The following RSPH3 variants were observed in gnomAD, a reference collection of about 807,000 sequenced individuals.
RSPH3 encodes radial spoke head 3.
A neutral mutation model predicts 43.8 loss-of-function variants in RSPH3; 21 were observed. The ratio of observed to expected loss-of-function variants is 0.48; its 90% CI spans 0.34 to 0.69. The LOEUF (loss-of-function observed/expected upper bound fraction) is 0.69. RSPH3 is among the 30% of genes least tolerant of loss of function. The pLI is 0.01. For synonymous variants in RSPH3, 173 were observed against 179.8 expected (o/e 0.96, Z 0.30); for missense variants, 487 against 516.0 (o/e 0.94, Z 0.54).
intron 5 of RSPH3, among the ~76,000 whole-genome samples, chr6:158,982,213 G>A (rs986045360): frequency 6.6e-6 from 1 of 152,014 alleles, no homozygotes. Flanking sequence ...CTTCCAACTG[G>A]CACACATGTA....
rs1777818259 is a variant in RSPH3 at position 158,975,847 on chromosome 6, T to C, written c.*1691A>G. On this transcript the variant is annotated 3_prime_UTR_variant, in exon 8 of 8. Coordinates refer to ENST00000367069, the MANE Select transcript of RSPH3 (RefSeq NM_031924.8). ...GGTAAATGGGTTAATAATTATAAGT[T>C]ATTTTAAATCACTACGTTTATATAT... The C allele has an allele frequency of 6.6e-6, 1 of 152,174 alleles. No individual in the cohort carries two copies. The highest frequency in any genetic ancestry group is 2.4e-5 in the African/African-American group (1 of 41,428). 9.4% of individuals were successfully genotyped at this position (152,174 alleles called of 1,614,324 possible).
At chr6:158,987,304 G>C (rs1447312123) in intron 2 of RSPH3, among the ~76,000 whole-genome samples, 1 of 152,004 alleles carries the variant, frequency 6.6e-6, no homozygotes, top group African/African-American at 2.4e-5. Context: ...TTGGTTTCTA[G>C]TTGCATGGAA....
intron 2 of RSPH3, among the ~76,000 whole-genome samples, chr6:158,988,744 A>C (rs1489319859): frequency 1.3e-5 from 2 of 152,144 alleles, no homozygotes; most frequent in Non-Finnish European, 2.9e-5. Flanking sequence ...ATTTTTAAAA[A>C]TTATTTCAAT....
downstream of RSPH3, among the ~76,000 whole-genome samples, chr6:158,972,637 G>A (rs1038030279): frequency 6.6e-6 from 1 of 152,062 alleles, no homozygotes; most frequent in South Asian, 2.1e-4. Flanking sequence ...AAAAATGTTC[G>A]TATTTATAAA....
chr6:158,980,975 C>T (rs10455841), intron 5 of RSPH3, 39 bp from the exon 6 acceptor site: 33,969 of 1,603,522 alleles, frequency 0.021, 414 homozygotes, highest in Middle Eastern at 0.025. Context: ...AGCTCTTATG[C>T]CCTCCCCAAG....
In RSPH3 at chr6:159,000,116, G is replaced by C; in HGVS notation, c.-566C>G. ...TGTCCTCGGCTGTTTCTCCTGCCGCGGCGCAGCAGCGCTCCCAGGCTGCCC... is the reference window on the plus strand; with the variant it reads ...TGTCCTCGGCTGTTTCTCCTGCCGCCGCGCAGCAGCGCTCCCAGGCTGCCC... On this transcript the variant is annotated 5_prime_UTR_variant, in exon 1 of 8. Transcript: ENST00000367069. 2 of 905,172 alleles carry C rather than the reference G, an allele frequency of 2.2e-6. No individual in the cohort carries two copies. Among genetic ancestry groups the C allele is most frequent in the South Asian group, 1.9e-5 (1 of 53,158 alleles). The allele number at this position is 905,172 out of a possible 1,614,324, so 56.1% of individuals were successfully genotyped here.
intron 2 of RSPH3, among the ~76,000 whole-genome samples, chr6:158,988,630 T>C (rs999805164): frequency 2.0e-5 from 3 of 152,188 alleles, no homozygotes; most frequent in Admixed American, 1.3e-4. Flanking sequence ...TTTGTCTTCA[T>C]GTTCACTGAT....
intron 1 of RSPH3, 96 bp downstream of exon 1, chr6:158,999,339 G>T: frequency 8.7e-7 from 1 of 1,143,072 alleles, no homozygotes; most frequent in Non-Finnish European, 1.2e-6. Context: ...AGGGAAGACA[G>T]CATAAGCAGC....
At chr6:158,996,710 A>T (rs1348103362) in intron 1 of RSPH3, among the ~76,000 whole-genome samples, 1 of 152,240 alleles carries the variant, frequency 6.6e-6, no homozygotes, top group Admixed American at 6.5e-5. Context: ...AAAGAACTAA[A>T]CGACATTCTA....
At chr6:158,985,240 G>C (rs1381572408) in intron 3 of RSPH3, among the ~76,000 whole-genome samples, 1 of 152,224 alleles carries the variant, frequency 6.6e-6, no homozygotes, top group Non-Finnish European at 1.5e-5. Flanking sequence ...CAGAACCAGA[G>C]GACAGAAGAG....
intron 1 of RSPH3, among the ~76,000 whole-genome samples, chr6:158,999,109 G>GC (rs1363247104): frequency 6.6e-6 from 1 of 152,280 alleles, no homozygotes; most frequent in South Asian, 2.1e-4. Context: ...GTATTTGAAT[G>GC]CCCCCCGTAA....
rs776777631 is a variant in RSPH3, at chr6:158,982,623, C to T, written c.558G>A (p.Gln186=). The change falls in exon 5 of 8, where the codon CAG becomes CAA. Residue 186 remains glutamine (Q), a synonymous_variant. Transcript: ENST00000367069. ...LEVLVGKTIE[Q]SLLEVMEEEE... ...CTTCTTCCATTACTTCCAGAAGAGACTGCTCAATTGTCTTCCCCACCAAAA... is the reference window on the plus strand; with the variant it reads ...CTTCTTCCATTACTTCCAGAAGAGATTGCTCAATTGTCTTCCCCACCAAAA... The T allele has an allele frequency of 3.2e-5, 51 of 1,613,676 alleles. No individual in the cohort carries two copies. The Middle Eastern group carries it at 2.5e-3, about 78-fold the overall frequency.
intron 3 of RSPH3, 74 bp downstream of exon 3, chr6:158,986,206 G>A: frequency 3.4e-6 from 5 of 1,460,984 alleles, no homozygotes; most frequent in Admixed American, 1.9e-5. Context: ...TAATACAAAG[G>A]CCAAATAAAA....
At chr6:158,971,328 T>C (rs1777692084), downstream of RSPH3, among the ~76,000 whole-genome samples, 1 of 152,234 alleles carries the variant, frequency 6.6e-6, no homozygotes, top group Admixed American at 6.5e-5. Context: ...AGCCGTTGGT[T>C]AATTTCTAGA....
intron 4 of RSPH3, 110 bp downstream of exon 4, chr6:158,983,552 G>A: frequency 1.2e-6 from 1 of 825,866 alleles, no homozygotes; most frequent in Non-Finnish European, 2.1e-6. Context: ...AGAAATCCAA[G>A]AAGTAGAATC....
intron 1 of RSPH3, 147 bp from the exon 2 acceptor site, chr6:158,994,073 A>G (rs1458792626): frequency 3.8e-6 from 2 of 527,918 alleles, no homozygotes; most frequent in African/African-American, 1.9e-5. Context: ...TAAGGAGGTA[A>G]ATGGATACAA....
chr6:158,997,723 T>C (rs758519990), intron 1 of RSPH3, among the ~76,000 whole-genome samples: 5 of 152,214 alleles, frequency 3.3e-5, no homozygotes, highest in African/African-American at 9.6e-5. Flanking sequence ...TCTGTTGGTC[T>C]GATTGGATAG....
intron 2 of RSPH3, chr6:158,990,459 T>C (rs1002609705): frequency 4.6e-5 from 7 of 152,192 alleles, no homozygotes; most frequent in Non-Finnish European, 1.0e-4. Context: ...AGCCTGCTTC[T>C]ATGCTGCCAT....
chr6:158,998,885 A>AACCACCACC (rs143434986), intron 1 of RSPH3, among the ~76,000 whole-genome samples: 9 of 151,510 alleles, frequency 5.9e-5, no homozygotes, highest in South Asian at 2.1e-4. Flanking sequence ...CAACAACAGC[A>AACCACCACC]ACCACCACCA....
Sources: gnomAD v4.1 joint callset for allele counts (sites outside exome capture counted in the v4.1 genomes callset) on GRCh38, gnomAD v4.1.1 for gene constraint, MANE v1.5 for transcripts, NCBI Gene and HGNC (gene_info 2026-07-23, HGNC 2026-07-21) for gene names.